Variants in NCALD observed in about 807,000 individuals in gnomAD.
NCALD encodes the protein neurocalcin-delta.
NCALD carries 10 observed loss-of-function variants against 18.6 expected under a neutral mutation model. That is an observed-to-expected ratio of 0.54 (90% CI 0.33 to 0.91). NCALD has a LOEUF of 0.91. Ranked by LOEUF, NCALD falls within the 40% of genes least tolerant of loss-of-function variation. The pLI is 0.03. For missense variants in NCALD, 184 were observed against 247.6 expected, an observed-to-expected ratio of 0.74 and a Z score of 1.72; for synonymous variants, 88 against 87.4, an observed-to-expected ratio of 1.01 and a Z score of -0.04.
rs1304624302 is a variant in NCALD, at chr8:101,957,294, T to TTTG, written c.-156-41437_-156-41436insCAA. Among the ~76,000 whole-genome samples the TTTG allele has an allele frequency of 4.5e-4, 65 of 143,380 alleles. 1 individual carries two copies. The highest frequency in any genetic ancestry group is 1.7e-3 in the African/African-American group (63 of 37,190). The allele number at this position is 143,380 out of a possible 152,430, so 94.1% of individuals were successfully genotyped here. A position where few individuals can be genotyped will look rare whatever the true frequency, so the allele number is the denominator to read the frequency against. On this transcript the variant is annotated intron_variant, in intron 2 of 6. Transcript: ENST00000311028. The stretch of plus-strand genomic sequence containing the variant: ...TAGTAAAAAGAAAAGTTGGGGTTTT[T>TTTG]TTTTTTTTTTTTTTTTTTTTAGCAC...
chr8:101,875,840 G>C (rs1490312612), intron 4 of NCALD, among the ~76,000 whole-genome samples: 1 of 152,164 alleles, frequency 6.6e-6, no homozygotes, highest in African/African-American at 2.4e-5. Flanking sequence ...ACATGTCCTG[G>C]AATTGAAAAG....
intron 3 of NCALD, among the ~76,000 whole-genome samples, chr8:101,908,045 G>A (rs1417136401): frequency 6.6e-6 from 1 of 152,196 alleles, no homozygotes; most frequent in Non-Finnish European, 1.5e-5. Context: ...CCCAGGCAGA[G>A]TGTGAGAGAT....
intron 1 of NCALD, among the ~76,000 whole-genome samples, chr8:101,747,933 G>A (rs1810495456): frequency 6.6e-6 from 1 of 152,106 alleles, no homozygotes; most frequent in South Asian, 2.1e-4. Flanking sequence ...GGCCAGGCTG[G>A]TCTCGAACTC....
At chr8:102,107,444 C>A (rs1825502574) in intron 1 of NCALD, among the ~76,000 whole-genome samples, 1 of 151,986 alleles carries the variant, frequency 6.6e-6, no homozygotes, top group African/African-American at 2.4e-5. Flanking sequence ...GCCTTTCCCC[C>A]ACCCTTCTGG....
chr8:101,910,392 T>A lies in NCALD; in HGVS notation c.-107+5417A>T, dbSNP rs2131601444. Among the ~76,000 whole-genome samples the A allele has an allele frequency of 2.2e-5, 3 of 138,478 alleles. No individual in the cohort carries two copies. The Middle Eastern group carries it at 0.011, about 517-fold the overall frequency. 90.8% of individuals were successfully genotyped at this position (138,478 alleles called of 152,430 possible). On this transcript the variant is annotated intron_variant, in intron 3 of 6. Transcript: ENST00000311028. The stretch of plus-strand genomic sequence containing the variant: ...GCTGAGGTCGCCAGAAAAGGAGAGC[T>A]CAGAATGAGAGGAGGTAATTTTGGG...
chr8:101,856,816 A>G (rs960784680), intron 4 of NCALD, among the ~76,000 whole-genome samples: 1 of 152,122 alleles, frequency 6.6e-6, no homozygotes, highest in Non-Finnish European at 1.5e-5. Context: ...GTCATGACAC[A>G]CACACAGGTT....
chr8:101,986,057 G>C (rs542262428), intron 2 of NCALD, among the ~76,000 whole-genome samples: 1 of 146,820 alleles, frequency 6.8e-6, no homozygotes, highest in East Asian at 2.0e-4. Flanking sequence ...CTATTTTTTT[G>C]AGACAGAGTA....
At chr8:102,065,779 G>A (rs1191863930) in intron 1 of NCALD, among the ~76,000 whole-genome samples, 1 of 152,092 alleles carries the variant, frequency 6.6e-6, no homozygotes, top group Non-Finnish European at 1.5e-5. Context: ...TTCAAGACCA[G>A]CCTGGGCAAC....
chr8:101,753,355 T>C (rs982337776), intron 1 of NCALD, among the ~76,000 whole-genome samples: 2 of 152,162 alleles, frequency 1.3e-5, no homozygotes. Context: ...ATTTAAGAGG[T>C]ATTTTTAAGG....
chr8:101,729,307 A>G (rs1215893069), intron 1 of NCALD, among the ~76,000 whole-genome samples: 1 of 152,236 alleles, frequency 6.6e-6, no homozygotes, highest in Non-Finnish European at 1.5e-5. Flanking sequence ...AGGGAGAATT[A>G]AAGAGTTATA....
chr8:101,830,229 G>A (rs1814117791), intron 4 of NCALD, among the ~76,000 whole-genome samples: 1 of 152,092 alleles, frequency 6.6e-6, no homozygotes, highest in African/African-American at 2.4e-5. Flanking sequence ...TCATTATCAA[G>A]GATGGCAAAG....
intron 1 of NCALD, among the ~76,000 whole-genome samples, chr8:102,073,339 T>G (rs1445916906): frequency 6.6e-6 from 1 of 152,128 alleles, no homozygotes; most frequent in African/African-American, 2.4e-5. Context: ...TATAAGAATA[T>G]TTCATGACAT....
intron 2 of NCALD, among the ~76,000 whole-genome samples, chr8:102,007,021 T>A (rs1276635155): frequency 1.3e-5 from 2 of 152,148 alleles, no homozygotes; most frequent in Non-Finnish European, 2.9e-5. Flanking sequence ...ACTTCTAGTG[T>A]CTGAGAACCA....
chr8:102,028,153 T>A (rs890422656), intron 1 of NCALD, among the ~76,000 whole-genome samples: 4 of 152,310 alleles, frequency 2.6e-5, no homozygotes, highest in Admixed American at 2.0e-4. Flanking sequence ...GTAGAAGTAT[T>A]CAAGGGTGAA....
chr8:102,046,675 T>C (rs1250289872), intron 1 of NCALD, among the ~76,000 whole-genome samples: 1 of 152,114 alleles, frequency 6.6e-6, no homozygotes, highest in African/African-American at 2.4e-5. Context: ...CAGCTAATTT[T>C]TGTATTTTTT....
chr8:102,046,096 C>T (rs1000545292), intron 1 of NCALD, among the ~76,000 whole-genome samples: 2 of 152,206 alleles, frequency 1.3e-5, no homozygotes, highest in African/African-American at 4.8e-5. Flanking sequence ...TTAATGTTCA[C>T]CAATTACATT....
intron 2 of NCALD, among the ~76,000 whole-genome samples, chr8:101,699,150 C>G (rs1428979099): frequency 6.6e-6 from 1 of 151,710 alleles, no homozygotes; most frequent in East Asian, 1.9e-4. Context: ...ATTTATGCAG[C>G]CTACAAACAT....
intron 1 of NCALD, among the ~76,000 whole-genome samples, chr8:101,729,082 C>A (rs1443856124): frequency 6.6e-6 from 1 of 152,154 alleles, no homozygotes; most frequent in African/African-American, 2.4e-5. Context: ...TGACTAAAAT[C>A]CCACAAATTC....
At chr8:101,753,600 G>A (rs1478358084) in intron 1 of NCALD, among the ~76,000 whole-genome samples, 1 of 152,172 alleles carries the variant, frequency 6.6e-6, no homozygotes, top group African/African-American at 2.4e-5. Context: ...GCTTGGGAAG[G>A]GACTTGGGAT....
Sources: gnomAD v4.1 joint callset for allele counts (sites outside exome capture counted in the v4.1 genomes callset) on GRCh38, gnomAD v4.1.1 for gene constraint, MANE v1.5 for transcripts, NCBI Gene and HGNC (gene_info 2026-07-23, HGNC 2026-07-21) for gene names.